The following SH3RF3 variants were observed in gnomAD, a reference collection of about 807,000 sequenced individuals.
The protein encoded by SH3RF3 is E3 ubiquitin-protein ligase SH3RF3.
In SH3RF3, 29 loss-of-function variants were observed where a neutral mutation model predicts 66.3. That is an observed-to-expected ratio of 0.44 (90% CI 0.33 to 0.60). The LOEUF (loss-of-function observed/expected upper bound fraction) is 0.60. SH3RF3 is among the 20% of genes least tolerant of loss of function. The pLI, the probability that SH3RF3 is intolerant of heterozygous loss-of-function variation, is 0.04. For missense variants in SH3RF3, 1,194 were observed against 1,190.9 expected (o/e 1.00, Z -0.04); for synonymous variants, 583 against 532.0 (o/e 1.10, Z -1.32).
chr2:109,211,044 A>AGTCT (rs1184774343), intron 1 of SH3RF3, among the ~76,000 whole-genome samples: 1 of 152,050 alleles, frequency 6.6e-6, no homozygotes, highest in East Asian at 1.9e-4. Context: ...TCTTCAGTTG[A>AGTCT]GTCTGTTCTG....
chr2:109,495,291 C>G (rs746841196), intron 9 of SH3RF3, among the ~76,000 whole-genome samples: 8 of 152,154 alleles, frequency 5.3e-5, no homozygotes, highest in Non-Finnish European at 1.2e-4. Context: ...CCCAGCTACA[C>G]CAACCCTGGT....
intron 1 of SH3RF3, among the ~76,000 whole-genome samples, chr2:109,163,342 TC>T (rs1236039056): frequency 3.4e-5 from 5 of 146,940 alleles, no homozygotes; most frequent in African/African-American, 1.3e-4. Flanking sequence ...TTAAGGGCCA[TC>T]AAAGGGCGGA....
At chr2:109,326,230 G>A (rs557758743) in intron 1 of SH3RF3, among the ~76,000 whole-genome samples, 3 of 152,160 alleles carry the variant, frequency 2.0e-5, no homozygotes, top group Non-Finnish European at 4.4e-5. Flanking sequence ...ACCCAACAAG[G>A]AATCAGCTGT....
At chr2:109,477,066 T>C (rs936693130) in intron 8 of SH3RF3, among the ~76,000 whole-genome samples, 2 of 152,214 alleles carry the variant, frequency 1.3e-5, no homozygotes, top group African/African-American at 4.8e-5. Context: ...GCCTTAACTG[T>C]CTGGGAATGC....
At chr2:109,451,556 C>T (rs190848404) in intron 8 of SH3RF3, among the ~76,000 whole-genome samples, 1 of 152,340 alleles carries the variant, frequency 6.6e-6, no homozygotes, top group African/African-American at 2.4e-5. Context: ...CGAATCTACA[C>T]GGAGGATGAT....
chr2:109,339,589 T>G (rs965288429), intron 1 of SH3RF3, among the ~76,000 whole-genome samples: 3 of 152,176 alleles, frequency 2.0e-5, no homozygotes, highest in African/African-American at 7.2e-5. Flanking sequence ...GGAGGGTGCC[T>G]GGGTGGGGCT....
chr2:109,208,476 G>A (rs1335273327), intron 1 of SH3RF3, among the ~76,000 whole-genome samples: 1 of 152,170 alleles, frequency 6.6e-6, no homozygotes, highest in Non-Finnish European at 1.5e-5. Flanking sequence ...TGTGGAGAAG[G>A]GCAAAGGCTC....
At chr2:109,173,558 GC>G (rs1677840065) in intron 1 of SH3RF3, among the ~76,000 whole-genome samples, 7 of 152,194 alleles carry the variant, frequency 4.6e-5, no homozygotes, top group Non-Finnish European at 1.0e-4. Flanking sequence ...AGCTCTAACA[GC>G]AGAGCTGGTG....
chr2:109,489,878 C>A (rs1454105792), intron 8 of SH3RF3, among the ~76,000 whole-genome samples: 1 of 152,198 alleles, frequency 6.6e-6, no homozygotes, highest in Non-Finnish European at 1.5e-5. Flanking sequence ...TCTGGGATTA[C>A]AGGCAAGTGC....
chr2:109,181,990 CA>C (rs1218456714), intron 1 of SH3RF3, among the ~76,000 whole-genome samples: 1 of 152,108 alleles, frequency 6.6e-6, no homozygotes, highest in African/African-American at 2.4e-5. Context: ...GCTCATTGCT[CA>C]GGGGAGGAGG....
intron 6 of SH3RF3, among the ~76,000 whole-genome samples, chr2:109,434,407 A>G (rs955990724): frequency 3.9e-5 from 6 of 152,310 alleles, no homozygotes; most frequent in South Asian, 2.1e-4. Context: ...GAACTTCCGC[A>G]GACCTTCAGA....
chr2:109,445,758 G>A (rs1407177883), intron 7 of SH3RF3, among the ~76,000 whole-genome samples: 1 of 152,084 alleles, frequency 6.6e-6, no homozygotes, highest in Non-Finnish European at 1.5e-5. Flanking sequence ...AGTAGAGAGG[G>A]GGGTTGGCTT....
intron 1 of SH3RF3, among the ~76,000 whole-genome samples, chr2:109,266,982 T>C (rs1680511464): frequency 6.6e-6 from 1 of 152,146 alleles, no homozygotes; most frequent in Non-Finnish European, 1.5e-5. Flanking sequence ...AATTTGCAAA[T>C]CTGTGTCTTT....
chr2:109,255,963 G>A (rs751888545), intron 1 of SH3RF3, among the ~76,000 whole-genome samples: 1 of 152,174 alleles, frequency 6.6e-6, no homozygotes, highest in African/African-American at 2.4e-5. Context: ...TTAGTGAATA[G>A]GATGCACCTG....
At chr2:109,325,388 C>CTGGAGTACAG (rs1682130654) in intron 1 of SH3RF3, among the ~76,000 whole-genome samples, 1 of 118,616 alleles carries the variant, frequency 8.4e-6, no homozygotes, top group African/African-American at 3.4e-5. Context: ...GTCACTCAGG[C>CTGGAGTACAG]TGGAGTACAG....
At chr2:109,377,934 C>T (rs11681775) in intron 3 of SH3RF3, among the ~76,000 whole-genome samples, 3 of 152,312 alleles carry the variant, frequency 2.0e-5, no homozygotes, top group East Asian at 1.9e-4. Flanking sequence ...TCATTGGGAG[C>T]GGATAGCTCG....
Position 109,398,853 on chromosome 2 carries a change from T to C in SH3RF3, c.1209T>C (p.Ile403=), listed in dbSNP as rs10181644. Residue 403 remains isoleucine (I), a synonymous_variant, in exon 4 of 10, where the codon ATT becomes ATC. Coordinates refer to ENST00000309415, the MANE Select transcript of SH3RF3 (RefSeq NM_001099289.3). ...QAASHRHSME[I]SAPVLISSSD... ...CCAGCCACAGGCATTCCATGGAAAT[T>C]AGTGCTCCAGTGTTGATCAGCTCCA... The C allele has an allele frequency of 0.027, 44,060 of 1,613,772 alleles. 3,815 individuals are homozygous for C. The African/African-American group carries it at 0.29, about 11-fold the overall frequency.
At chr2:109,255,280 C>T (rs1268293239) in intron 1 of SH3RF3, among the ~76,000 whole-genome samples, 3 of 152,200 alleles carry the variant, frequency 2.0e-5, no homozygotes, top group African/African-American at 7.2e-5. Context: ...CACACTGTCA[C>T]ACTGGGCTTC....
intron 8 of SH3RF3, among the ~76,000 whole-genome samples, chr2:109,475,229 G>A (rs1004308903): frequency 8.6e-5 from 13 of 152,004 alleles, no homozygotes; most frequent in Non-Finnish European, 1.5e-4. Context: ...CACCCGCCTC[G>A]GCCTCCCAAA....
Sources: allele counts gnomAD v4.1 joint callset (sites outside exome capture counted in the v4.1 genomes callset), GRCh38; gene constraint gnomAD v4.1.1; transcripts MANE v1.5; gene names NCBI Gene and HGNC (gene_info 2026-07-23, HGNC 2026-07-21).